PAPSS1: variants seen among roughly 807,000 people sequenced by gnomAD.
The protein encoded by PAPSS1 is bifunctional 3'-phosphoadenosine 5'-phosphosulfate synthase 1.
PAPSS1 carries 50 observed loss-of-function variants against 72.0 expected under a neutral mutation model. The observed-to-expected ratio is 0.69, with a 90% CI of 0.55 to 0.88. The LOEUF (loss-of-function observed/expected upper bound fraction) is 0.88, where lower values mean the gene tolerates loss of function less well. PAPSS1 is among the 40% of genes least tolerant of loss of function. PAPSS1 has a pLI of 0.00. For synonymous variants in PAPSS1, 261 were observed against 263.6 expected (o/e 0.99, Z 0.09); for missense variants, 657 against 782.2 (o/e 0.84, Z 1.91).
At chr4:107,696,823 T>C (rs1723077229) in intron 2 of PAPSS1, among the ~76,000 whole-genome samples, 1 of 152,170 alleles carries the variant, frequency 6.6e-6, no homozygotes, top group Non-Finnish European at 1.5e-5. Context: ...CCGATATTAA[T>C]GACTGTAGCC....
chr4:107,654,870 A>G lies in PAPSS1; in HGVS notation c.926T>C (p.Val309Ala). ...TTTATCTTCATGAGTCGCAGTCAGAACTATAGGTACTGACAAGTTAATGAC... is the reference window on the plus strand; with the variant it reads ...TTTATCTTCATGAGTCGCAGTCAGAGCTATAGGTACTGACAAGTTAATGAC... Reference protein sequence around the residue: ...GGVINLSVPIVLTATHEDKER... With the variant: ...GGVINLSVPIALTATHEDKER... Residue 309 changes from valine (V) to alanine (A), a missense_variant, in exon 8 of 12, where the codon GTT (valine) becomes GCT (alanine). Coordinates refer to ENST00000265174, the MANE Select transcript of PAPSS1 (RefSeq NM_005443.5). 6.2e-7 allele frequency: 1 copy of G among 1,614,024 alleles called. No individual in the cohort carries two copies. Among genetic ancestry groups the G allele is most frequent in the Non-Finnish European group, 8.5e-7 (1 of 1,179,938 alleles).
intron 7 of PAPSS1, among the ~76,000 whole-genome samples, chr4:107,656,423 ATTTC>A (rs1198199503): frequency 6.6e-6 from 1 of 152,084 alleles, no homozygotes; most frequent in African/African-American, 2.4e-5. Flanking sequence ...GCCAACATCA[ATTTC>A]TTTGACAATT....
At chr4:107,619,988 A>T (rs1725914830) in intron 11 of PAPSS1, among the ~76,000 whole-genome samples, 1 of 152,228 alleles carries the variant, frequency 6.6e-6, no homozygotes, top group Non-Finnish European at 1.5e-5. Context: ...ACTCTCGGCC[A>T]CTTGTTGAAG....
At chr4:107,622,449 A>G (rs997653883) in intron 11 of PAPSS1, among the ~76,000 whole-genome samples, 10 of 152,354 alleles carry the variant, frequency 6.6e-5, no homozygotes, top group Non-Finnish European at 1.2e-4. Context: ...AGTATCAACC[A>G]CTAAGAGAAA....
At chr4:107,668,056 T>C (rs77442112) in intron 5 of PAPSS1, among the ~76,000 whole-genome samples, 2,442 of 152,186 alleles carry the variant, frequency 0.016, 33 homozygotes, top group Middle Eastern at 0.027. Flanking sequence ...TCAAGGAATG[T>C]GAAAGAGAGT....
At chr4:107,623,888 C>T (rs1726030282) in intron 11 of PAPSS1, among the ~76,000 whole-genome samples, 1 of 152,196 alleles carries the variant, frequency 6.6e-6, no homozygotes, top group African/African-American at 2.4e-5. Context: ...CTTGTCAGAT[C>T]CACAATACTT....
chr4:107,660,569 T>C (rs2110323202), intron 5 of PAPSS1, among the ~76,000 whole-genome samples: 1 of 152,304 alleles, frequency 6.6e-6, no homozygotes, highest in South Asian at 2.1e-4. Flanking sequence ...ATCAGAACTT[T>C]TTGATCCCAC....
chr4:107,667,631 A>C (rs191365682), intron 5 of PAPSS1, among the ~76,000 whole-genome samples: 1 of 152,348 alleles, frequency 6.6e-6, no homozygotes, highest in East Asian at 1.9e-4. Flanking sequence ...TGAGAAAAAA[A>C]GTCTTCAAAA....
intron 11 of PAPSS1, among the ~76,000 whole-genome samples, chr4:107,621,608 C>CTTTGTTTTT (rs1725956338): frequency 2.1e-5 from 1 of 48,148 alleles, no homozygotes; most frequent in African/African-American, 7.6e-5. Context: ...GGTTTTTTAT[C>CTTTGTTTTT]TTTTTTTTTT....
At chr4:107,637,970 C>T (rs1328014729) in intron 10 of PAPSS1, among the ~76,000 whole-genome samples, 1 of 152,148 alleles carries the variant, frequency 6.6e-6, no homozygotes, top group Non-Finnish European at 1.5e-5. Context: ...ATCATAGTGG[C>T]CTGCCTCTTG....
intron 10 of PAPSS1, among the ~76,000 whole-genome samples, chr4:107,634,911 C>T (rs1726322358): frequency 6.6e-6 from 1 of 150,648 alleles, no homozygotes; most frequent in Non-Finnish European, 1.5e-5. Context: ...CATTCTCCTG[C>T]CTCAGTCTCC....
At chr4:107,648,442 G>A (rs1560571769) in intron 9 of PAPSS1, among the ~76,000 whole-genome samples, 1 of 152,140 alleles carries the variant, frequency 6.6e-6, no homozygotes, top group African/African-American at 2.4e-5. Flanking sequence ...GTGATAAGCA[G>A]GGCAGTGCTT....
intron 1 of PAPSS1, among the ~76,000 whole-genome samples, chr4:107,708,186 G>A (rs953157630): frequency 6.6e-6 from 1 of 152,074 alleles, no homozygotes; most frequent in African/African-American, 2.4e-5. Flanking sequence ...ACAAAAAATT[G>A]TAATGAGTCT....
intron 3 of PAPSS1, 50 bp downstream of exon 3, chr4:107,693,721 A>G (rs1180341494): frequency 7.7e-7 from 1 of 1,306,322 alleles, no homozygotes; most frequent in Admixed American, 1.7e-5. Context: ...GCCTGATACC[A>G]TATTCTCAAT....
chr4:107,682,411 G>A (rs1201042331), intron 4 of PAPSS1, among the ~76,000 whole-genome samples: 2 of 152,124 alleles, frequency 1.3e-5, no homozygotes, highest in Admixed American at 1.3e-4. Flanking sequence ...TTTATGGTTT[G>A]AGAACTAAAA....
intron 5 of PAPSS1, among the ~76,000 whole-genome samples, chr4:107,661,844 T>A (rs924339680): frequency 6.6e-6 from 1 of 152,200 alleles, no homozygotes; most frequent in African/African-American, 2.4e-5. Context: ...CAAAGCCAGA[T>A]GACTTCATGA....
At chr4:107,705,431 T>C (rs546908177) in intron 1 of PAPSS1, among the ~76,000 whole-genome samples, 3 of 152,210 alleles carry the variant, frequency 2.0e-5, no homozygotes, top group Non-Finnish European at 4.4e-5. Context: ...CCTGCCACCA[T>C]GTAAGATGTG....
chr4:107,662,460 T>C (rs1727207278), intron 5 of PAPSS1, among the ~76,000 whole-genome samples: 1 of 152,198 alleles, frequency 6.6e-6, no homozygotes, highest in Non-Finnish European at 1.5e-5. Flanking sequence ...GTTCTCTCTG[T>C]AGATGCACTA....
intron 11 of PAPSS1, among the ~76,000 whole-genome samples, chr4:107,627,487 G>A (rs1726129234): frequency 6.6e-6 from 1 of 152,098 alleles, no homozygotes; most frequent in Non-Finnish European, 1.5e-5. Context: ...TTATAGATCT[G>A]TAGGAAGGCA....
Sources: gnomAD v4.1 joint callset for allele counts (sites outside exome capture counted in the v4.1 genomes callset) on GRCh38, gnomAD v4.1.1 for gene constraint, MANE v1.5 for transcripts, NCBI Gene and HGNC (gene_info 2026-07-23, HGNC 2026-07-21) for gene names.